LDLRAD4: variants seen among roughly 807,000 people sequenced by gnomAD.
The protein encoded by LDLRAD4 is low density lipoprotein receptor class A domain containing 4.
LDLRAD4 carries 5 observed loss-of-function variants against 17.0 expected under a neutral mutation model. The observed-to-expected ratio is 0.29, with a 90% CI of 0.15 to 0.62. The LOEUF (loss-of-function observed/expected upper bound fraction) is 0.62, where lower values mean the gene tolerates loss of function less well. Among genes scored for constraint, LDLRAD4 ranks in the 20% least tolerant of loss-of-function variants. The pLI, the probability that LDLRAD4 is intolerant of heterozygous loss-of-function variation, is 0.84. For missense variants in LDLRAD4, 340 were observed against 424.7 expected, an observed-to-expected ratio of 0.80 and a Z score of 1.75; for synonymous variants, 168 against 171.8, an observed-to-expected ratio of 0.98 and a Z score of 0.17.
At chr18:13,550,034 G>A (rs576660398) in intron 3 of LDLRAD4, among the ~76,000 whole-genome samples, 47 of 152,328 alleles carry the variant, frequency 3.1e-4, no homozygotes, top group Non-Finnish European at 5.9e-4. Flanking sequence ...ATCCAGCAAC[G>A]TTTTTCTTTC....
chr18:13,455,848 T>C (rs2092104300), intron 3 of LDLRAD4, among the ~76,000 whole-genome samples: 1 of 152,184 alleles, frequency 6.6e-6, no homozygotes, highest in South Asian at 2.1e-4. Context: ...ATTGCAGTTG[T>C]ATATTTTTAA....
intron 1 of LDLRAD4, among the ~76,000 whole-genome samples, chr18:13,243,136 G>A (rs1172090012): frequency 6.6e-6 from 1 of 152,248 alleles, no homozygotes; most frequent in Non-Finnish European, 1.5e-5. Context: ...GTCAGGCCAT[G>A]TTTTCTTTGG....
chr18:13,288,462 C>G (rs574584404), intron 1 of LDLRAD4, among the ~76,000 whole-genome samples: 1 of 152,298 alleles, frequency 6.6e-6, no homozygotes, highest in East Asian at 1.9e-4. Flanking sequence ...GGACCAGATA[C>G]ACAACTTTGG....
intron 3 of LDLRAD4, among the ~76,000 whole-genome samples, chr18:13,607,934 G>A (rs541654004): frequency 1.6e-4 from 25 of 152,284 alleles, no homozygotes; most frequent in Non-Finnish European, 3.1e-4. Context: ...ATAGTAGAAT[G>A]ATTTATAATC....
At chr18:13,485,032 A>G (rs1204462910) in intron 3 of LDLRAD4, among the ~76,000 whole-genome samples, 2 of 152,196 alleles carry the variant, frequency 1.3e-5, no homozygotes, top group African/African-American at 4.8e-5. Context: ...CCCTATTTGG[A>G]GAAATATTCT....
At chr18:13,432,469 GTGACAGATCC>G (rs2090407359) in intron 2 of LDLRAD4, among the ~76,000 whole-genome samples, 1 of 152,236 alleles carries the variant, frequency 6.6e-6, no homozygotes, top group Admixed American at 6.5e-5. Context: ...AATAAAAAGA[GTGACAGATCC>G]TGTTAAGTTT....
chr18:13,475,939 T>C (rs1371044200), intron 3 of LDLRAD4, among the ~76,000 whole-genome samples: 1 of 152,196 alleles, frequency 6.6e-6, no homozygotes, highest in Non-Finnish European at 1.5e-5. Flanking sequence ...ATGGAAATGG[T>C]CTGATCACAG....
chr18:13,650,784 G>C (rs1245568378), exon 6 of LDLRAD4: 1 of 156,780 alleles, frequency 6.4e-6, no homozygotes, highest in African/African-American at 2.4e-5. Flanking sequence ...TATGTGCTTT[G>C]TCCTCTTTTG....
chr18:13,560,763 C>G (rs2094532012), intron 3 of LDLRAD4, among the ~76,000 whole-genome samples: 1 of 152,212 alleles, frequency 6.6e-6, no homozygotes, highest in Non-Finnish European at 1.5e-5. Flanking sequence ...AAAGAAAACT[C>G]CAATCTCAAT....
intron 3 of LDLRAD4, among the ~76,000 whole-genome samples, chr18:13,551,129 A>C (rs1471227242): frequency 6.6e-6 from 1 of 152,078 alleles, no homozygotes; most frequent in Non-Finnish European, 1.5e-5. Flanking sequence ...TCGCCTCAGG[A>C]CCCACTGTTT....
rs570043979 is a variant in LDLRAD4 at position 13,305,084 on chromosome 18, G to A, written c.-383+26896G>A. On this transcript the variant is annotated intron_variant, in intron 1 of 5. Coordinates refer to ENST00000359446, the Ensembl canonical transcript of LDLRAD4. Reference sequence around the variant, plus strand: ...TTGAATAAACTTGCATATGAATCTCGTAGCCTAGAAATATTGAAAAAAATT... The same window carrying A: ...TTGAATAAACTTGCATATGAATCTCATAGCCTAGAAATATTGAAAAAAATT... Among the ~76,000 whole-genome samples, 29 of 151,738 alleles carry A rather than the reference G, an allele frequency of 1.9e-4. No individual in the cohort carries two copies. In the East Asian group the frequency reaches 2.5e-3, roughly 13 times the overall value.
At chr18:13,260,334 T>C (rs1475082781) in intron 1 of LDLRAD4, among the ~76,000 whole-genome samples, 1 of 152,250 alleles carries the variant, frequency 6.6e-6, no homozygotes, top group East Asian at 1.9e-4. Flanking sequence ...TGGAACAGCC[T>C]TCCCTGGCCT....
chr18:13,497,438 C>T (rs560321462), intron 3 of LDLRAD4, among the ~76,000 whole-genome samples: 9 of 152,112 alleles, frequency 5.9e-5, no homozygotes, highest in African/African-American at 1.9e-4. Flanking sequence ...CTCGGCCTCC[C>T]AAAGTGCTGG....
upstream of LDLRAD4, chr18:13,278,047 A>G (rs1446401688): frequency 6.6e-6 from 1 of 152,078 alleles, no homozygotes; most frequent in African/African-American, 2.4e-5. Context: ...TTGAAACTTG[A>G]GAGGGGGACA....
At chr18:13,329,779 T>G (rs951599945) in intron 1 of LDLRAD4, among the ~76,000 whole-genome samples, 27 of 152,238 alleles carry the variant, frequency 1.8e-4, no homozygotes, top group Non-Finnish European at 5.9e-5. Context: ...TACTCACTGA[T>G]TTGAAATGCT....
intron 3 of LDLRAD4, chr18:13,612,497 G>A (rs955135418): frequency 8.8e-6 from 12 of 1,360,072 alleles, no homozygotes; most frequent in Non-Finnish European, 1.1e-5. Flanking sequence ...CCTGGGGTGG[G>A]CCCTGCTGAT....
intron 1 of LDLRAD4, among the ~76,000 whole-genome samples, chr18:13,262,799 GAAAC>G (rs2043961424): frequency 1.2e-5 from 1 of 86,278 alleles, no homozygotes; most frequent in Non-Finnish European, 2.0e-5. Flanking sequence ...TCTGTGCGTG[GAAAC>G]TGAGTCCCGT....
At chr18:13,428,585 C>T (rs184326881) in intron 2 of LDLRAD4, among the ~76,000 whole-genome samples, 10 of 152,204 alleles carry the variant, frequency 6.6e-5, no homozygotes, top group African/African-American at 1.9e-4. Flanking sequence ...ATGAGTAAAC[C>T]GTGGTGGAAG....
At chr18:13,362,233 T>C (rs1002023117) in intron 1 of LDLRAD4, 5 of 152,250 alleles carry the variant, frequency 3.3e-5, no homozygotes, top group Non-Finnish European at 5.9e-5. Context: ...ATGGCTATTC[T>C]AGTCTGATAG....
Sources: gnomAD v4.1 joint callset for allele counts (sites outside exome capture counted in the v4.1 genomes callset) on GRCh38, gnomAD v4.1.1 for gene constraint, MANE v1.5 for transcripts, NCBI Gene and HGNC (gene_info 2026-07-23, HGNC 2026-07-21) for gene names.